Variants in NRG3 observed in about 807,000 individuals in gnomAD.
NRG3 encodes pro-neuregulin-3, membrane-bound isoform.
In NRG3, 31 loss-of-function variants were observed where a neutral mutation model predicts 66.9. The ratio of observed to expected loss-of-function variants is 0.46; its 90% confidence interval spans 0.35 to 0.63. The LOEUF is 0.63. Ranked by LOEUF, NRG3 falls within the 20% of genes least tolerant of loss-of-function variation. The pLI, the probability that NRG3 is intolerant of heterozygous loss-of-function variation, is 0.00. For missense variants in NRG3, 910 were observed against 878.9 expected (o/e 1.04, Z -0.45); for synonymous variants, 393 against 359.4 (o/e 1.09, Z -1.06).
intron 1 of NRG3, among the ~76,000 whole-genome samples, chr10:82,090,077 G>C (rs1446843200): frequency 2.6e-5 from 4 of 152,122 alleles, no homozygotes; most frequent in African/African-American, 4.8e-5. Context: ...TTCTCTTTTT[G>C]ACATTACATA....
rs542197199 is a variant in NRG3 at position 81,937,723 on chromosome 10, T to C, written c.823+61560T>C. On this transcript the variant is annotated intron_variant, in intron 1 of 8. Coordinates refer to ENST00000372141, the MANE Select transcript of NRG3 (RefSeq NM_001010848.4). ...GTTGCCTTTCACTGTGTTGACTGCTTTCCTGTGCAGAAGTTTTCAAGTTTG... is the reference window on the plus strand; with the variant it reads ...GTTGCCTTTCACTGTGTTGACTGCTCTCCTGTGCAGAAGTTTTCAAGTTTG... 3.9e-5 allele frequency among the ~76,000 whole-genome samples: 6 copies of C among 152,260 alleles called. No homozygotes were observed. In the South Asian group the frequency reaches 1.2e-3, roughly 32 times the overall value.
chr10:82,022,956 G>A (rs1279390466), intron 1 of NRG3, among the ~76,000 whole-genome samples: 4 of 150,988 alleles, frequency 2.6e-5, no homozygotes, highest in African/African-American at 4.9e-5. Flanking sequence ...TGGGGTACAT[G>A]TGATATTTTG....
chr10:82,683,967 A>T (rs2054309282), intron 2 of NRG3, among the ~76,000 whole-genome samples: 1 of 152,142 alleles, frequency 6.6e-6, no homozygotes, highest in Non-Finnish European at 1.5e-5. Context: ...ATGCTACTGA[A>T]CTGAGTTTAC....
chr10:82,903,839 A>G (rs975226596), intron 4 of NRG3, among the ~76,000 whole-genome samples: 1 of 152,128 alleles, frequency 6.6e-6, no homozygotes, highest in African/African-American at 2.4e-5. Flanking sequence ...TACAGGGGTC[A>G]GATTCCCTAT....
intron 2 of NRG3, among the ~76,000 whole-genome samples, chr10:82,470,208 A>C (rs867903291): frequency 6.6e-6 from 1 of 152,204 alleles, no homozygotes; most frequent in Non-Finnish European, 1.5e-5. Flanking sequence ...ATTGGGATTA[A>C]TTGATCATTA....
At chr10:82,128,452 A>G (rs529756661) in intron 1 of NRG3, among the ~76,000 whole-genome samples, 1 of 152,014 alleles carries the variant, frequency 6.6e-6, no homozygotes, top group Non-Finnish European at 1.5e-5. Flanking sequence ...TACTTTCTAT[A>G]TGCCTTCCCA....
intron 2 of NRG3, among the ~76,000 whole-genome samples, chr10:82,515,363 A>G (rs1238555267): frequency 1.3e-5 from 2 of 152,190 alleles, no homozygotes; most frequent in Non-Finnish European, 2.9e-5. Context: ...CTCTATCTTC[A>G]TCTGTTAGGA....
chr10:82,263,166 G>T (rs1029184212), intron 1 of NRG3, among the ~76,000 whole-genome samples: 1 of 152,200 alleles, frequency 6.6e-6, no homozygotes, highest in Non-Finnish European at 1.5e-5. Context: ...AGCTTTTGCA[G>T]TAGCAGTAAC....
chr10:82,431,399 G>T (rs552101511), intron 2 of NRG3, among the ~76,000 whole-genome samples: 21 of 152,204 alleles, frequency 1.4e-4, no homozygotes, highest in Admixed American at 1.3e-4. Context: ...TGAGAGGAAT[G>T]AGAATGCAGT....
At chr10:82,305,155 C>T (rs1000226998) in intron 1 of NRG3, among the ~76,000 whole-genome samples, 38 of 151,336 alleles carry the variant, frequency 2.5e-4, no homozygotes, top group African/African-American at 7.0e-4. Flanking sequence ...CCACCACGCT[C>T]GGCTAATTTT....
chr10:82,680,816 T>C (rs751257858), intron 2 of NRG3, among the ~76,000 whole-genome samples: 23 of 152,338 alleles, frequency 1.5e-4, no homozygotes, highest in Admixed American at 7.8e-4. Context: ...ATTTGAAAGC[T>C]AAAAATGATG....
chr10:82,984,708 C>T (rs1169176825), intron 8 of NRG3: 1 of 1,457,794 alleles, frequency 6.9e-7, no homozygotes, highest in Non-Finnish European at 9.4e-7. Context: ...GGACTAATGC[C>T]ATTATGGGTG....
chr10:82,347,199 CA>C (rs2083086608), intron 1 of NRG3, among the ~76,000 whole-genome samples: 1 of 146,954 alleles, frequency 6.8e-6, no homozygotes, highest in African/African-American at 2.6e-5. Flanking sequence ...CTCTTGTGGG[CA>C]TTTAGTGCTA....
At chr10:82,035,132 G>A (rs10786837) in intron 1 of NRG3, among the ~76,000 whole-genome samples, 105,750 of 151,836 alleles carry the variant, frequency 0.7, 37,040 homozygotes, top group South Asian at 0.84. Flanking sequence ...AGATAGACTC[G>A]CCCAGCATGC....
At chr10:82,092,046 T>A (rs959594123) in intron 1 of NRG3, among the ~76,000 whole-genome samples, 1 of 152,200 alleles carries the variant, frequency 6.6e-6, no homozygotes, top group Non-Finnish European at 1.5e-5. Context: ...ATTATTACTA[T>A]AGTTAACATT....
intron 1 of NRG3, among the ~76,000 whole-genome samples, chr10:82,200,143 A>G (rs1043710457): frequency 2.6e-5 from 4 of 152,210 alleles, no homozygotes; most frequent in Admixed American, 1.3e-4. Flanking sequence ...ACAGTGAACA[A>G]AACAAAATAT....
chr10:82,847,326 T>C (rs553675321), intron 3 of NRG3, among the ~76,000 whole-genome samples: 2 of 152,356 alleles, frequency 1.3e-5, no homozygotes, highest in East Asian at 1.9e-4. Context: ...GTTGGCTACG[T>C]TGACACTTTG....
chr10:82,208,973 A>G (rs980065453), intron 1 of NRG3, among the ~76,000 whole-genome samples: 3 of 151,248 alleles, frequency 2.0e-5, no homozygotes, highest in Admixed American at 1.3e-4. Context: ...CTCTTCTTAC[A>G]ACTACATGAC....
chr10:82,281,123 A>G (rs1428924296), intron 1 of NRG3, among the ~76,000 whole-genome samples: 5 of 152,170 alleles, frequency 3.3e-5, no homozygotes, highest in Admixed American at 3.3e-4. Flanking sequence ...GAAGACTTGG[A>G]GTGACATGCT....
Sources: gnomAD v4.1 joint callset for allele counts (sites outside exome capture counted in the v4.1 genomes callset) on GRCh38, gnomAD v4.1.1 for gene constraint, MANE v1.5 for transcripts, NCBI Gene and HGNC (gene_info 2026-07-23, HGNC 2026-07-21) for gene names.